ASCC2: variants seen among roughly 807,000 people sequenced by gnomAD.
ASCC2 encodes the protein ASC-1 complex subunit P100.
ASCC2 carries 42 observed loss-of-function variants against 93.5 expected under a neutral mutation model. That is an observed-to-expected ratio of 0.45 (90% confidence interval 0.35 to 0.58). ASCC2 has a LOEUF of 0.58. Ranked by LOEUF, ASCC2 falls within the 20% of genes least tolerant of loss-of-function variation. The pLI is 0.00. For synonymous variants in ASCC2, 364 were observed against 384.2 expected (o/e 0.95, Z 0.62); for missense variants, 859 against 977.6 (o/e 0.88, Z 1.62).
intron 8 of ASCC2, among the ~76,000 whole-genome samples, chr22:29,811,764 T>C (rs900261030): frequency 6.6e-6 from 1 of 152,188 alleles, no homozygotes; most frequent in Non-Finnish European, 1.5e-5. Context: ...CCAAAACTTA[T>C]CCCTTCCCCA....
chr22:29,831,151 A>AC (rs1282080725), intron 2 of ASCC2, among the ~76,000 whole-genome samples: 1 of 152,232 alleles, frequency 6.6e-6, no homozygotes, highest in African/African-American at 2.4e-5. Context: ...GTGGTGAATG[A>AC]CCACCTATTG....
At chr22:29,821,904 T>TG (rs1035432799) in intron 5 of ASCC2, 8 of 445,998 alleles carry the variant, frequency 1.8e-5, no homozygotes, top group Admixed American at 1.5e-4. Flanking sequence ...GAGGCTGAGT[T>TG]GGGGGGATAG....
At chr22:29,789,769 A>G (rs1023770562) in intron 19 of ASCC2, among the ~76,000 whole-genome samples, 3 of 152,192 alleles carry the variant, frequency 2.0e-5, no homozygotes, top group Non-Finnish European at 4.4e-5. Context: ...CCCTGTGGCC[A>G]GGCCTCCTGA....
intron 5 of ASCC2, among the ~76,000 whole-genome samples, chr22:29,819,619 G>T (rs1022288221): frequency 6.6e-6 from 1 of 152,090 alleles, no homozygotes; most frequent in Non-Finnish European, 1.5e-5. Flanking sequence ...TAGGCAGTTC[G>T]ATTTCAAAGC....
At chr22:29,838,133 G>A in intron 1 of ASCC2, 45 bp downstream of exon 1, 2 of 460,098 alleles carry the variant, frequency 4.3e-6, no homozygotes, top group Non-Finnish European at 8.7e-6. Context: ...CGGCTCCTCC[G>A]GGGTCCCTTG....
chr22:29,821,572 T>C (rs1023094084), intron 5 of ASCC2, among the ~76,000 whole-genome samples: 1 of 152,240 alleles, frequency 6.6e-6, no homozygotes, highest in Non-Finnish European at 1.5e-5. Flanking sequence ...TGTGGAGTGC[T>C]TGGCAGAATG....
intron 15 of ASCC2, among the ~76,000 whole-genome samples, chr22:29,797,370 C>T (rs577145815): frequency 6.6e-6 from 1 of 152,204 alleles, no homozygotes; most frequent in East Asian, 1.9e-4. Flanking sequence ...TGCCTTTGAA[C>T]TTCTAAAGAG....
At chr22:29,827,199 C>T (rs942274697) in intron 2 of ASCC2, among the ~76,000 whole-genome samples, 1 of 151,026 alleles carries the variant, frequency 6.6e-6, no homozygotes, top group South Asian at 2.1e-4. Context: ...TAAGTCTCAG[C>T]GTAGAATCAC....
In ASCC2 at chr22:29,813,450, C is replaced by T; in HGVS notation, c.813G>A (p.Gln271=). ...DIFPLACQTF[Q]KHDFCYRLAS... ...CTTACCTGTAACAAAAGTCGTGCTT[C>T]TGGAAGGTCTGGCAAGCCAAAGGGA... is the stretch of plus-strand genomic sequence containing the variant. Residue 271 remains glutamine, a synonymous_variant, in exon 8 of 20, where the codon CAG becomes CAA. Coordinates refer to ENST00000307790, the MANE Select transcript of ASCC2 (RefSeq NM_032204.5). The T allele has an allele frequency of 6.2e-7, 1 of 1,613,328 alleles. No individual in the cohort carries two copies. Among genetic ancestry groups the T allele is most frequent in the East Asian group, 2.2e-5 (1 of 44,890 alleles).
chr22:29,796,115 T>C (rs2058400445), intron 15 of ASCC2, among the ~76,000 whole-genome samples: 1 of 142,328 alleles, frequency 7.0e-6, no homozygotes, highest in Non-Finnish European at 1.5e-5. Flanking sequence ...CCTTCACATC[T>C]TTTTTTTTTT....
rs543090253 is a variant in ASCC2 at position 29,830,617 on chromosome 22, C to T, written c.81+1628G>A. ...TACACACCCCACTGGTCTGGATCGG[C>T]GGCCCCGGCTCTGCACTCATGGAAC... On this transcript the variant is annotated intron_variant, in intron 2 of 19. Transcript: ENST00000307790. Among the ~76,000 whole-genome samples, 11 of 152,324 alleles carry T rather than the reference C, an allele frequency of 7.2e-5. No individual in the cohort carries two copies. In the South Asian group the frequency reaches 1.0e-3, roughly 14 times the overall value.
chr22:29,827,014 C>T (rs892455652), intron 2 of ASCC2, among the ~76,000 whole-genome samples: 3 of 146,174 alleles, frequency 2.1e-5, no homozygotes, highest in Admixed American at 7.1e-5. Context: ...AGAAGAACGG[C>T]GTGAACCCGG....
intron 9 of ASCC2, 123 bp downstream of exon 9, chr22:29,807,988 C>T: frequency 1.1e-6 from 1 of 909,406 alleles, no homozygotes; most frequent in Non-Finnish European, 1.7e-6. Flanking sequence ...AAGCTCAAAG[C>T]TGCACAGTCC....
At chr22:29,813,386 A>G (rs562003587) in intron 8 of ASCC2, 44 bp downstream of exon 8, 51 of 1,310,052 alleles carry the variant, frequency 3.9e-5, no homozygotes, top group African/African-American at 2.9e-4. Context: ...AAATTAGTAC[A>G]TAAGCCAGTA....
rs1003411021 is a variant in ASCC2 at position 29,808,992 on chromosome 22, C to T, written c.834-807G>A. 5.9e-5 allele frequency among the ~76,000 whole-genome samples: 9 copies of T among 151,268 alleles called. No homozygotes were observed. In the South Asian group the frequency reaches 6.3e-4, roughly 11 times the overall value. ...AAAATTAGCCAGAAGTGGTGGTGCA[C>T]GCCTGTAATCTCAGCTACTCAGGAG... is the stretch of plus-strand genomic sequence containing the variant. On this transcript the variant is annotated intron_variant, in intron 8 of 19. Coordinates refer to ENST00000307790, the MANE Select transcript of ASCC2 (RefSeq NM_032204.5).
rs1395198474 is a variant in ASCC2, at chr22:29,793,689, A to G, written c.1689-13T>C. 7 of 1,549,246 alleles carry G rather than the reference A, an allele frequency of 4.5e-6. No individual in the cohort carries two copies. The highest frequency in any genetic ancestry group is 6.1e-6 in the Non-Finnish European group (7 of 1,148,830). ...CTCCTTCCTGGTGCTGAGAAGGAAC[A>G]GCAGAAAGAGAGGAAGGAAAACCAT... On this transcript the variant is annotated splice_polypyrimidine_tract_variant and intron_variant, in intron 15 of 19. Transcript: ENST00000307790.
chr22:29,822,495 G>A, intron 4 of ASCC2, 31 bp from the exon 5 acceptor site: 1 of 1,610,128 alleles, frequency 6.2e-7, no homozygotes, highest in Non-Finnish European at 8.5e-7. Flanking sequence ...AAAGGATAGA[G>A]ATTTTCTGAA....
Position 29,825,954 on chromosome 22 carries a change from C to A in ASCC2, c.82-174G>T. On this transcript the variant is annotated intron_variant, in intron 2 of 19. Transcript: ENST00000307790. The surrounding 1 kb of genome is among the most constrained non-coding windows in gnomAD (Gnocchi z 4.9). ...AGAGGGCATGGTTGCATTCAGCGAA[C>A]ACTAGGCGGTAATTAAAATCCATGT... 1.6e-6 allele frequency: 1 copy of A among 623,750 alleles called. No homozygotes were observed. The highest frequency in any genetic ancestry group is 2.7e-6 in the Non-Finnish European group (1 of 368,268). 38.6% of individuals were successfully genotyped at this position (623,750 alleles called of 1,614,324 possible). A position where few individuals can be genotyped will look rare whatever the true frequency, so the allele number is the denominator to read the frequency against.
intron 2 of ASCC2, among the ~76,000 whole-genome samples, chr22:29,827,232 C>T (rs915618906): frequency 9.2e-5 from 14 of 151,688 alleles, no homozygotes; most frequent in African/African-American, 3.2e-4. Context: ...CCAGCCCCTA[C>T]TTGCCATGAA....
Sources: allele counts gnomAD v4.1 joint callset (sites outside exome capture counted in the v4.1 genomes callset), GRCh38; gene constraint gnomAD v4.1.1; non-coding constraint Gnocchi (gnomAD v3.1); transcripts MANE v1.5; gene names NCBI Gene and HGNC (gene_info 2026-07-23, HGNC 2026-07-21).